Variants in IRX2 observed in about 807,000 individuals in gnomAD.
The protein encoded by IRX2 is iroquois-class homeodomain protein IRX-2.
In IRX2, 26 loss-of-function variants were observed where a neutral mutation model predicts 42.9. The observed-to-expected ratio is 0.61, with a 90% CI of 0.44 to 0.84. IRX2 has a LOEUF of 0.84. Among genes scored for constraint, IRX2 ranks in the 40% least tolerant of loss-of-function variants. IRX2 has a pLI of 0.00. For synonymous variants in IRX2, 424 were observed against 353.9 expected (o/e 1.20, Z -2.22); for missense variants, 782 against 713.9 (o/e 1.10, Z -1.09).
chr5:2,748,503 A>G lies in IRX2; in HGVS notation c.1205T>C (p.Leu402Pro). Residue 402 changes from leucine (L) to proline (P), a missense_variant, in exon 3 of 4, where the codon CTG (leucine) becomes CCG (proline). By Grantham distance (98) the Leu-to-Pro change is moderately conservative (BLOSUM62 -3). Coordinates refer to ENST00000302057, the MANE Select transcript of IRX2 (RefSeq NM_033267.5). Reference sequence around the variant, plus strand: ...GTACCGCAGGAGACCCTGGCCCTGCAGCGCCGCGTTCAAGTTCCCGTAGTT... The same window carrying G: ...GTACCGCAGGAGACCCTGGCCCTGCGGCGCCGCGTTCAAGTTCCCGTAGTT... ...YTNYGNLNAA[L>P]QGQGLLRYNS... The G allele has an allele frequency of 6.3e-7, 1 of 1,582,172 alleles. No individual in the cohort carries two copies. Among genetic ancestry groups the G allele is most frequent in the Non-Finnish European group, 8.6e-7 (1 of 1,165,546 alleles).
intron 2 of IRX2, 94 bp downstream of exon 2, chr5:2,749,288 G>A (rs1187222648): frequency 6.7e-7 from 1 of 1,494,962 alleles, no homozygotes; most frequent in Non-Finnish European, 8.9e-7. Flanking sequence ...CCGGACCTGG[G>A]GTGTCCGGCG....
chr5:2,740,144 G>C, the IRX2 span, among the ~76,000 whole-genome samples: 1 of 152,070 alleles, frequency 6.6e-6, no homozygotes, highest in Non-Finnish European at 1.5e-5. Flanking sequence ...TCATGAACAG[G>C]CGGCCGGGTC....
Position 2,748,733 on chromosome 5 carries a change from G to C in IRX2, c.975C>G (p.Ser325Arg). Reference sequence around the variant, plus strand: ...CGGCCAGCGACCACAGCTTGGGCTTGCTGGCGGGGGGCGGCGCGCCCGGAG... The same window carrying C: ...CGGCCAGCGACCACAGCTTGGGCTTCCTGGCGGGGGGCGGCGCGCCCGGAG... ...RTSPGAPPPA[S>R]KPKLWSLAEI... The change falls in exon 3 of 4, where the codon AGC (serine) becomes AGG (arginine). Residue 325 changes from serine to arginine, a missense_variant. Ser to Arg is a moderately radical substitution (Grantham distance 110). This residue lies in a region of IRX2 where 520 missense variants were observed against 437.8 expected (regional missense o/e 1.19). Transcript: ENST00000302057. The C allele has an allele frequency of 7.3e-7, 1 of 1,379,058 alleles. No homozygotes were observed. The allele number at this position is 1,379,058 out of a possible 1,614,324, so 85.4% of individuals were successfully genotyped here.
chr5:2,749,087 G>A, intron 2 of IRX2, 35 bp from the exon 3 acceptor site: 1 of 1,585,620 alleles, frequency 6.3e-7, no homozygotes, highest in Non-Finnish European at 8.5e-7. Context: ...TGGCACGAGG[G>A]GACAGCGCAG....
the IRX2 span, among the ~76,000 whole-genome samples, chr5:2,737,933 G>A: frequency 1.3e-5 from 2 of 152,124 alleles, no homozygotes; most frequent in African/African-American, 4.8e-5. Context: ...GCCTGGGGGT[G>A]TCCCCCTGCC....
chr5:2,740,804 G>T, the IRX2 span, among the ~76,000 whole-genome samples: 1 of 152,312 alleles, frequency 6.6e-6, no homozygotes, highest in South Asian at 2.1e-4. Flanking sequence ...TCGGCCCAGG[G>T]TCTCCAGCAC....
rs755432584 is a variant in IRX2, at chr5:2,748,983, G to A, written c.725C>T (p.Pro242Leu). 1.9e-6 allele frequency: 3 copies of A among 1,597,170 alleles called. No individual in the cohort carries two copies. Among genetic ancestry groups the A allele is most frequent in the African/African-American group, 1.3e-5 (1 of 74,810 alleles). ...CSAESDGEKLPCRAGDPLCES... is the reference protein window; with the variant it reads ...CSAESDGEKLLCRAGDPLCES... Reference sequence around the variant, plus strand: ...GCACAGGGGGTCCCCGGCGCGGCACGGAAGCTTCTCCCCGTCCGACTCGGC... The same window carrying A: ...GCACAGGGGGTCCCCGGCGCGGCACAGAAGCTTCTCCCCGTCCGACTCGGC... The change falls in exon 3 of 4, where the codon CCG becomes CTG. Residue 242 changes from proline (P) to leucine (L), a missense_variant. Pro to Leu is a moderately conservative substitution (Grantham distance 98). Transcript: ENST00000302057.
At chr5:2,750,895 C>G (rs1737931517) in intron 1 of IRX2, among the ~76,000 whole-genome samples, 1 of 152,150 alleles carries the variant, frequency 6.6e-6, no homozygotes, top group African/African-American at 2.4e-5. Context: ...TTCCCAGGCT[C>G]TCAGAGAAAA....
chr5:2,747,465 A>T lies in IRX2; in HGVS notation c.*99T>A, dbSNP rs1375350703. On this transcript the variant is annotated 3_prime_UTR_variant, in exon 4 of 4. Transcript: ENST00000302057. ...TCTGTCTTCTAACCCCATGACCAGA[A>T]GCAAGAAAAACACATTAAGCAAGTT... 8.1e-6 allele frequency: 8 copies of T among 992,486 alleles called. No homozygotes were observed. The East Asian group carries it at 2.0e-4, about 25-fold the overall frequency. 61.5% of individuals were successfully genotyped at this position (992,486 alleles called of 1,614,324 possible).
At chr5:2,743,768 T>G (rs1299975170), downstream of IRX2, among the ~76,000 whole-genome samples, 1 of 152,206 alleles carries the variant, frequency 6.6e-6, no homozygotes, top group East Asian at 1.9e-4. Flanking sequence ...TCTCTTTCTC[T>G]CTCCTTCCTT....
Position 2,751,620 on chromosome 5 carries a change from G to A in IRX2, c.-207C>T, listed in dbSNP as rs997312226. ...GCGGCGGCAGCAGCGCGGAGCCGGT[G>A]GGCGCAGCCGCGCGCCAGGCCGGCG... On this transcript the variant is annotated 5_prime_UTR_variant, in exon 1 of 4. Transcript: ENST00000302057. The surrounding 1 kb of genome is among the most constrained non-coding windows in gnomAD (Gnocchi z 4.0). 165 of 158,082 alleles carry A rather than the reference G, an allele frequency of 1.0e-3. No individual in the cohort carries two copies. Among genetic ancestry groups the A allele is most frequent in the African/African-American group, 3.9e-3 (160 of 41,156 alleles). The allele number at this position is 158,082 out of a possible 1,614,324, so 9.8% of individuals were successfully genotyped here.
chr5:2,738,847 G>T, the IRX2 span, among the ~76,000 whole-genome samples: 1 of 152,348 alleles, frequency 6.6e-6, no homozygotes, highest in East Asian at 1.9e-4. Flanking sequence ...GGCCGCCAGA[G>T]GTCGCGGAGG....
Position 2,748,611 on chromosome 5 carries a change from G to A in IRX2, c.1097C>T (p.Pro366Leu), listed in dbSNP as rs759628648. 9 of 1,528,816 alleles carry A rather than the reference G, an allele frequency of 5.9e-6. No homozygotes were observed. Among genetic ancestry groups the A allele is most frequent in the Admixed American group, 2.1e-5 (1 of 47,932 alleles). 94.7% of individuals were successfully genotyped at this position (1,528,816 alleles called of 1,614,324 possible). A position where few individuals can be genotyped will look rare whatever the true frequency, so the allele number is the denominator to read the frequency against. ...GGCAGGGTAGGGCGAGCCTCCTGGC[G>A]GTGCCCCGGTTGAGGCCGGCGCGGC... is the stretch of plus-strand genomic sequence containing the variant. The part of the protein sequence containing the change: ...AAAAPASTGA[P>L]PGGSPYPASP... The change falls in exon 3 of 4, where the codon CCG becomes CTG. Residue 366 changes from proline (P) to leucine (L), a missense_variant. Around this residue, in one of 3 missense-constraint regions of IRX2, gnomAD observed 520 missense variants for 437.8 expected, o/e 1.19. Transcript: ENST00000302057.
Position 2,748,744 on chromosome 5 carries a change from G to T in IRX2, c.964C>A (p.Pro322Thr). 1 of 1,365,448 alleles carries T rather than the reference G, an allele frequency of 7.3e-7. No homozygotes were observed. Among genetic ancestry groups the T allele is most frequent in the Non-Finnish European group, 9.4e-7 (1 of 1,065,454 alleles). The allele number at this position is 1,365,448 out of a possible 1,614,324, so 84.6% of individuals were successfully genotyped here. The change falls in exon 3 of 4, where the codon CCC becomes ACC. Residue 322 changes from proline to threonine, a missense_variant. By Grantham distance (38) the Pro-to-Thr change is conservative. Around this residue, in one of 3 missense-constraint regions of IRX2, gnomAD observed 520 missense variants for 437.8 expected, o/e 1.19. Transcript: ENST00000302057. ...CACAGCTTGGGCTTGCTGGCGGGGG[G>T]CGGCGCGCCCGGAGACGTCCGGCTG... ...QGSRTSPGAP[P>T]PASKPKLWSL... is the part of the protein sequence containing the mutation.
chr5:2,748,429 C>T lies in IRX2; in HGVS notation c.1279G>A (p.Ala427Thr). ...CCCGCCTTGCCCGCGTCGCTGGCCGCCTTTGGCGCGGTGTGCAGGGCCTCG... is the reference window on the plus strand; with the variant it reads ...CCCGCCTTGCCCGCGTCGCTGGCCGTCTTTGGCGCGGTGTGCAGGGCCTCG... ...PGEALHTAPK[A>T]ASDAGKAGAH... The change falls in exon 3 of 4, where the codon GCG (alanine) becomes ACG (threonine). Residue 427 changes from alanine (A) to threonine (T), a missense_variant. By Grantham distance (58) the Ala-to-Thr change is moderately conservative. Around this residue, in one of 3 missense-constraint regions of IRX2, gnomAD observed 520 missense variants for 437.8 expected, o/e 1.19. Coordinates refer to ENST00000302057, the MANE Select transcript of IRX2 (RefSeq NM_033267.5). The T allele has an allele frequency of 6.5e-7, 1 of 1,543,568 alleles. No individual in the cohort carries two copies. Among genetic ancestry groups the T allele is most frequent in the Non-Finnish European group, 8.7e-7 (1 of 1,150,622 alleles).
At chr5:2,749,347 G>T in intron 2 of IRX2, 35 bp downstream of exon 2, 1 of 1,548,660 alleles carries the variant, frequency 6.5e-7, no homozygotes. Context: ...GGAAGAAAGC[G>T]CCCCGAGACC....
In IRX2 at chr5:2,748,889, G is replaced by A. The variant is rs772873470; in HGVS notation, c.819C>T (p.Gly273=). Residue 273 remains glycine (G), a synonymous_variant, in exon 3 of 4, where the codon GGC becomes GGT. Transcript: ENST00000302057. ...GCTTGGGCGGCGCCAGGCCCCGCTC[G>A]CCCTCCTCGTCGTCGTCCTCGTCGT... The part of the protein sequence containing the change: ...LEDDEDDDEE[G]ERGLAPPKPV... 8 of 1,595,316 alleles carry A rather than the reference G, an allele frequency of 5.0e-6. No homozygotes were observed. Among genetic ancestry groups the A allele is most frequent in the South Asian group, 2.2e-5 (2 of 90,418 alleles).
intron 2 of IRX2, 141 bp from the exon 3 acceptor site, chr5:2,749,193 C>G (rs541303793): frequency 6.8e-7 from 1 of 1,464,058 alleles, no homozygotes; most frequent in African/African-American, 1.4e-5. Flanking sequence ...ACAGGCGGAG[C>G]CTGACCTCCC....
In IRX2 at chr5:2,751,654, T is replaced by C. The variant is rs1024455266; in HGVS notation, c.-241A>G. On this transcript the variant is annotated 5_prime_UTR_variant, in exon 1 of 4. Transcript: ENST00000302057. The surrounding 1 kb of genome is among the most constrained non-coding windows in gnomAD (Gnocchi z 4.0). ...CGCGCGCCAGGCCGGCGGTCGGGGT[T>C]TGGGGGAGTCTGGAGTCGGGAGTGA... 339 of 150,088 alleles carry C rather than the reference T, an allele frequency of 2.3e-3. No individual in the cohort carries two copies. The highest frequency in any genetic ancestry group is 3.2e-3 in the Non-Finnish European group (213 of 67,606). 9.3% of individuals were successfully genotyped at this position (150,088 alleles called of 1,614,324 possible).
Sources: gnomAD v4.1 joint callset for allele counts (sites outside exome capture counted in the v4.1 genomes callset) on GRCh38, gnomAD v4.1.1 for gene constraint, gnomAD v4.1.1 regional missense constraint, Gnocchi (gnomAD v3.1) non-coding constraint, MANE v1.5 for transcripts, NCBI Gene and HGNC (gene_info 2026-07-23, HGNC 2026-07-21) for gene names.